Variants in ATP13A4 observed in about 807,000 individuals in gnomAD.
ATP13A4 encodes ATPase 13A4.
Under a neutral mutation model 142.5 loss-of-function variants are expected in ATP13A4, and 114 were observed. The ratio of observed to expected loss-of-function variants is 0.80; its 90% CI spans 0.69 to 0.93. The LOEUF (loss-of-function observed/expected upper bound fraction) is 0.93. Ranked by LOEUF, ATP13A4 falls within the 40% of genes least tolerant of loss-of-function variation. The pLI is 0.00. For synonymous variants in ATP13A4, 488 were observed against 514.8 expected, an observed-to-expected ratio of 0.95 and a Z score of 0.70; for missense variants, 1,392 against 1,454.0, an observed-to-expected ratio of 0.96 and a Z score of 0.69.
rs773256436 is a variant in ATP13A4, at chr3:193,459,169, G to C, written c.1586C>G (p.Ala529Gly). The change falls in exon 14 of 30, where the codon GCG (alanine) becomes GGG (glycine). Residue 529 changes from alanine (A) to glycine (G), a missense_variant. Transcript: ENST00000342695. ...QALPWGPLCA[A>G]MASCHSLILL... ...GATCAGAGAGTGGCAGCTGGCCATCGCTGCACACAGTGGGCCCCATGGCAA... is the reference window on the plus strand; with the variant it reads ...GATCAGAGAGTGGCAGCTGGCCATCCCTGCACACAGTGGGCCCCATGGCAA... 1 of 1,614,220 alleles carries C rather than the reference G, an allele frequency of 6.2e-7. No individual in the cohort carries two copies. The highest frequency in any genetic ancestry group is 8.5e-7 in the Non-Finnish European group (1 of 1,180,046).
In ATP13A4 at chr3:193,492,907, T is replaced by G; in HGVS notation, c.533+10A>C. On this transcript the variant is annotated intron_variant, in intron 5 of 29. Transcript: ENST00000342695. Reference sequence around the variant, plus strand: ...TTTTGAGCTAGTATAGGCAATAATATGCATGGTACCTAATCTCCTGTTCTT... The same window carrying G: ...TTTTGAGCTAGTATAGGCAATAATAGGCATGGTACCTAATCTCCTGTTCTT... 2 of 1,589,412 alleles carry G rather than the reference T, an allele frequency of 1.3e-6. No homozygotes were observed. Among genetic ancestry groups the G allele is most frequent in the Non-Finnish European group, 1.7e-6 (2 of 1,158,924 alleles).
Position 193,414,748 on chromosome 3 carries a change from T to C in ATP13A4, c.2845A>G (p.Asn949Asp), listed in dbSNP as rs759931478. ...AGCTTAGGGTAGGCACCATTCAGAT[T>C]CACTATAAAATAAATTCGAATTTTA... ...AITTLIGVTMNLNGAYPKLVP... is the reference protein window; with the variant it reads ...AITTLIGVTMDLNGAYPKLVP... The change falls in exon 26 of 30, where the codon AAT (asparagine) becomes GAT (aspartate). Residue 949 changes from asparagine to aspartate, a missense_variant and splice_region_variant. Asn to Asp is a conservative substitution (Grantham distance 23). Coordinates refer to ENST00000342695, the MANE Select transcript of ATP13A4 (RefSeq NM_032279.4). 1.5e-5 allele frequency: 24 copies of C among 1,613,880 alleles called. No homozygotes were observed. The highest frequency in any genetic ancestry group is 1.9e-5 in the Non-Finnish European group (23 of 1,179,954).
chr3:193,556,386 A>G (rs533726579), upstream of ATP13A4, among the ~76,000 whole-genome samples: 1 of 152,158 alleles, frequency 6.6e-6, no homozygotes, highest in South Asian at 2.1e-4. Flanking sequence ...TATATGTTGT[A>G]TGTGTAAAAC....
intron 3 of ATP13A4, among the ~76,000 whole-genome samples, chr3:193,499,759 A>G (rs1305806414): frequency 6.6e-6 from 1 of 152,250 alleles, no homozygotes; most frequent in East Asian, 1.9e-4. Flanking sequence ...TGTGGTTCCA[A>G]TGTGAGGCCC....
chr3:193,539,260 C>T (rs1163362898), intron 1 of ATP13A4, among the ~76,000 whole-genome samples: 1 of 152,166 alleles, frequency 6.6e-6, no homozygotes, highest in African/African-American at 2.4e-5. Flanking sequence ...CCTCTGCTAT[C>T]AAGAAACAAC....
intron 8 of ATP13A4, among the ~76,000 whole-genome samples, chr3:193,482,473 G>A (rs1489473502): frequency 6.6e-6 from 1 of 152,114 alleles, no homozygotes; most frequent in Admixed American, 6.5e-5. Context: ...AAGAGAATGG[G>A]AAGGTAAGTC....
intron 1 of ATP13A4, among the ~76,000 whole-genome samples, chr3:193,549,984 G>C (rs1166437718): frequency 2.6e-5 from 4 of 152,130 alleles, no homozygotes; most frequent in African/African-American, 9.7e-5. Context: ...CATGTAGCGG[G>C]GAAAAGGGAA....
intron 17 of ATP13A4, among the ~76,000 whole-genome samples, chr3:193,452,952 G>GT (rs1717371159): frequency 6.6e-6 from 1 of 151,870 alleles, no homozygotes; most frequent in Non-Finnish European, 1.5e-5. Flanking sequence ...AGATTGTACT[G>GT]TTTTTTTCAG....
intron 25 of ATP13A4, among the ~76,000 whole-genome samples, chr3:193,428,403 A>G (rs1715786626): frequency 6.6e-6 from 1 of 152,192 alleles, no homozygotes; most frequent in Non-Finnish European, 1.5e-5. Context: ...AGGATCCAGA[A>G]CTAGAAATAC....
At chr3:193,466,261 T>C in intron 10 of ATP13A4, 79 bp from the exon 11 acceptor site, 1 of 1,531,482 alleles carries the variant, frequency 6.5e-7, no homozygotes, top group Non-Finnish European at 9.0e-7. Flanking sequence ...ACACTGCCTT[T>C]GTTTTTCTCT....
At chr3:193,591,060 AT>A (rs1724755347) in intron 1 of ATP13A4, among the ~76,000 whole-genome samples, 1 of 152,160 alleles carries the variant, frequency 6.6e-6, no homozygotes, top group Non-Finnish European at 1.5e-5. Context: ...CAAATGTAGC[AT>A]TTTTTTGCTT....
At chr3:193,563,593 G>C (rs571874933) in intron 2 of ATP13A4, among the ~76,000 whole-genome samples, 3 of 152,326 alleles carry the variant, frequency 2.0e-5, no homozygotes, top group African/African-American at 7.2e-5. Flanking sequence ...GCAAGGTCAA[G>C]GCTGCAGTCA....
At chr3:193,476,579 G>C (rs1397060593) in intron 8 of ATP13A4, among the ~76,000 whole-genome samples, 1 of 152,020 alleles carries the variant, frequency 6.6e-6, no homozygotes, top group Non-Finnish European at 1.5e-5. Flanking sequence ...TGGCTAACTG[G>C]TGCAAGAGTC....
At chr3:193,573,326 T>TATATATAA (rs1560287433) in intron 2 of ATP13A4, among the ~76,000 whole-genome samples, 7 of 78,054 alleles carry the variant, frequency 9.0e-5, no homozygotes, top group African/African-American at 3.4e-4. Flanking sequence ...TATATATATA[T>TATATATAA]AATTTGTATC....
intron 3 of ATP13A4, among the ~76,000 whole-genome samples, chr3:193,495,673 A>G (rs1462189071): frequency 3.3e-5 from 5 of 152,162 alleles, no homozygotes; most frequent in African/African-American, 1.2e-4. Flanking sequence ...CTAGAACAAG[A>G]CAGGAATGCC....
chr3:193,522,496 C>T (rs1038030690), intron 1 of ATP13A4, among the ~76,000 whole-genome samples: 2 of 152,168 alleles, frequency 1.3e-5, no homozygotes, highest in African/African-American at 2.4e-5. Context: ...AATGTACCCA[C>T]GGTCACCCAG....
chr3:193,438,862 G>A lies in ATP13A4; in HGVS notation c.2562+161C>T, dbSNP rs1050531206. On this transcript the variant is annotated intron_variant, in intron 22 of 29. Transcript: ENST00000342695. ...AGCCTCCCAATGCAACAGTTTATCC[G>A]TCAAGAGGAATGTAAATGGTATATA... Among the ~76,000 whole-genome samples, 8 of 152,148 alleles carry A rather than the reference G, an allele frequency of 5.3e-5. No homozygotes were observed. The East Asian group carries it at 5.8e-4, about 11-fold the overall frequency.
intron 9 of ATP13A4, 37 bp from the exon 10 acceptor site, chr3:193,467,523 T>A (rs186581935): frequency 1.2e-6 from 2 of 1,600,134 alleles, no homozygotes; most frequent in African/African-American, 1.3e-5. Flanking sequence ...TGAGGCAGGA[T>A]GGCTTCCCTC....
intron 25 of ATP13A4, among the ~76,000 whole-genome samples, chr3:193,415,827 A>G (rs1450641600): frequency 6.6e-6 from 1 of 152,204 alleles, no homozygotes; most frequent in Non-Finnish European, 1.5e-5. Flanking sequence ...TCCTTGGAGG[A>G]ATTAGGGCAG....
Sources: allele counts gnomAD v4.1 joint callset (sites outside exome capture counted in the v4.1 genomes callset), GRCh38; gene constraint gnomAD v4.1.1; transcripts MANE v1.5; gene names NCBI Gene and HGNC (gene_info 2026-07-23, HGNC 2026-07-21).